The following CTNNA3 variants were observed in gnomAD, a reference collection of about 807,000 sequenced individuals.
CTNNA3 encodes catenin alpha-3.
CTNNA3 carries 76 observed loss-of-function variants against 95.7 expected under a neutral mutation model. The ratio of observed to expected loss-of-function variants is 0.79; its 90% confidence interval spans 0.66 to 0.96. The LOEUF is 0.96. Among genes scored for constraint, CTNNA3 ranks in the 40% least tolerant of loss-of-function variants. The pLI is 0.00. For missense variants in CTNNA3, 1,191 were observed against 1,089.8 expected, an observed-to-expected ratio of 1.09 and a Z score of -1.31; for synonymous variants, 431 against 374.4, an observed-to-expected ratio of 1.15 and a Z score of -1.74.
intron 12 of CTNNA3, among the ~76,000 whole-genome samples, chr10:66,301,201 A>G (rs2091858481): frequency 6.6e-6 from 1 of 152,086 alleles, no homozygotes; most frequent in Admixed American, 6.6e-5. Context: ...CCAAAACAGA[A>G]AGAACCAGGA....
chr10:66,337,036 T>G (rs543711159), intron 12 of CTNNA3, among the ~76,000 whole-genome samples: 4 of 152,126 alleles, frequency 2.6e-5, no homozygotes, highest in Non-Finnish European at 5.9e-5. Flanking sequence ...GCCAAATCAT[T>G]AAATAGATTT....
chr10:67,152,897 C>A (rs1024972366), intron 7 of CTNNA3, among the ~76,000 whole-genome samples: 1 of 152,098 alleles, frequency 6.6e-6, no homozygotes, highest in Non-Finnish European at 1.5e-5. Context: ...TTATTACATG[C>A]CTACCATAGG....
intron 5 of CTNNA3, among the ~76,000 whole-genome samples, chr10:67,220,525 T>G (rs1190932456): frequency 1.3e-5 from 2 of 152,066 alleles, no homozygotes; most frequent in African/African-American, 4.8e-5. Context: ...ATGAACTAGA[T>G]GAACAAATAT....
At position 67,678,968 on chromosome 10, in the gene CTNNA3, A is replaced by G. The variant is rs190540113; in HGVS notation, c.-6+17032T>C. ...TCCCCCAGACAGATTTCATATTAAC[A>G]AGTAATAGAGAGAAAGCAAAATAAC... On this transcript the variant is annotated intron_variant, in intron 1 of 17. Transcript: ENST00000433211. Among the ~76,000 whole-genome samples the G allele has an allele frequency of 9.8e-5, 15 of 152,324 alleles. No individual in the cohort carries two copies. The East Asian group carries it at 2.9e-3, about 29-fold the overall frequency.
chr10:67,297,348 C>A (rs1302582458), intron 5 of CTNNA3, among the ~76,000 whole-genome samples: 1 of 152,188 alleles, frequency 6.6e-6, no homozygotes, highest in Non-Finnish European at 1.5e-5. Context: ...TGCTAGGGAC[C>A]ATCCATGAAT....
chr10:67,523,564 G>A (rs1170709127), intron 4 of CTNNA3, among the ~76,000 whole-genome samples: 2 of 152,250 alleles, frequency 1.3e-5, no homozygotes, highest in East Asian at 1.9e-4. Flanking sequence ...GAGAGATAAA[G>A]GTAACATTGG....
chr10:66,473,891 A>G (rs1839227144), intron 11 of CTNNA3, among the ~76,000 whole-genome samples: 1 of 152,088 alleles, frequency 6.6e-6, no homozygotes, highest in Non-Finnish European at 1.5e-5. Flanking sequence ...TATATGTGCC[A>G]CATTTTCTTA....
chr10:65,935,905 T>A (rs1262988829), intron 17 of CTNNA3, among the ~76,000 whole-genome samples: 1 of 152,290 alleles, frequency 6.6e-6, no homozygotes, highest in African/African-American at 2.4e-5. Context: ...CGTTTATGAA[T>A]GCATATTTTA....
chr10:66,885,042 C>T (rs1467590284), intron 7 of CTNNA3, among the ~76,000 whole-genome samples: 1 of 152,058 alleles, frequency 6.6e-6, no homozygotes, highest in Non-Finnish European at 1.5e-5. Flanking sequence ...AAAGGGCACC[C>T]AAGAACCTGA....
chr10:66,128,798 A>G (rs2082947062), intron 13 of CTNNA3, among the ~76,000 whole-genome samples: 1 of 152,208 alleles, frequency 6.6e-6, no homozygotes, highest in Non-Finnish European at 1.5e-5. Context: ...TTATGTGTCA[A>G]TGTAGGTTCA....
chr10:67,182,994 A>G (rs1862636755), intron 6 of CTNNA3, among the ~76,000 whole-genome samples: 1 of 152,238 alleles, frequency 6.6e-6, no homozygotes, highest in African/African-American at 2.4e-5. Flanking sequence ...ATGAGATGCC[A>G]TCTCACACCA....
At chr10:67,572,880 G>C (rs548489489) in intron 3 of CTNNA3, among the ~76,000 whole-genome samples, 1 of 152,270 alleles carries the variant, frequency 6.6e-6, no homozygotes, top group South Asian at 2.1e-4. Context: ...TTGAGTCCAG[G>C]AGTTCAAGAC....
intron 5 of CTNNA3, among the ~76,000 whole-genome samples, chr10:67,363,554 AATAG>A (rs1451703549): frequency 1.8e-4 from 27 of 152,088 alleles, no homozygotes; most frequent in African/African-American, 6.5e-4. Context: ...AGATCAACAA[AATAG>A]ATAGACTGCT....
At position 66,978,536 on chromosome 10, in the gene CTNNA3, A is replaced by ATAAAATAAAATAAAAAT. The variant is rs1429128054; in HGVS notation, c.1047+201780_1047+201781insATTTTTATTTTATTTTA. Among the ~76,000 whole-genome samples, 759 of 94,270 alleles carry ATAAAATAAAATAAAAAT rather than the reference A, an allele frequency of 8.1e-3. 12 individuals carry two copies. Among genetic ancestry groups the ATAAAATAAAATAAAAAT allele is most frequent in the Non-Finnish European group, 0.013 (611 of 45,796 alleles). The allele number at this position is 94,270 out of a possible 152,430, so 61.8% of individuals were successfully genotyped here. A position where few individuals can be genotyped will look rare whatever the true frequency, so the allele number is the denominator to read the frequency against. On this transcript the variant is annotated intron_variant, in intron 7 of 17. Coordinates refer to ENST00000433211, the MANE Select transcript of CTNNA3 (RefSeq NM_013266.4). ...AGTGAGACTCCATCTCAAAAAAAAAAAAAAAAAAAAAAAAAAATATATATA... is the reference window on the plus strand; with the variant it reads ...AGTGAGACTCCATCTCAAAAAAAAAATAAAATAAAATAAAAATAAAAAAAAAAAAAAAAATATATATA...
intron 7 of CTNNA3, among the ~76,000 whole-genome samples, chr10:67,096,783 T>C (rs746553863): frequency 1.5e-4 from 23 of 151,904 alleles, no homozygotes; most frequent in Non-Finnish European, 1.9e-4. Flanking sequence ...CCCTTCCTCA[T>C]GTATACTACT....
intron 5 of CTNNA3, among the ~76,000 whole-genome samples, chr10:67,233,094 C>G (rs1368210120): frequency 6.6e-6 from 1 of 152,192 alleles, no homozygotes; most frequent in Admixed American, 6.5e-5. Context: ...CAACATTAGA[C>G]AGATCAATGA....
At chr10:67,726,415 A>AATATTATATATTAAATTATAT (rs1841219598) in intron 1 of CTNNA3, among the ~76,000 whole-genome samples, 1 of 58,970 alleles carries the variant, frequency 1.7e-5, no homozygotes, top group Non-Finnish European at 2.5e-5. Flanking sequence ...TATCATATAT[A>AATATTATATATTAAATTATAT]ATATTATATA....
At chr10:67,539,416 A>G (rs1237104419) in intron 4 of CTNNA3, 87 bp downstream of exon 4, 1 of 1,422,346 alleles carries the variant, frequency 7.0e-7, no homozygotes, top group Non-Finnish European at 9.8e-7. Context: ...GAGTGAAGCC[A>G]AGATGCACTA....
chr10:66,603,134 A>C (rs532480604), intron 10 of CTNNA3, among the ~76,000 whole-genome samples: 6 of 152,190 alleles, frequency 3.9e-5, no homozygotes, highest in Admixed American at 6.5e-5. Context: ...TCCAAATTAA[A>C]AAGGAAGAAA....
Sources: allele counts gnomAD v4.1 joint callset (sites outside exome capture counted in the v4.1 genomes callset), GRCh38; gene constraint gnomAD v4.1.1; transcripts MANE v1.5; gene names NCBI Gene and HGNC (gene_info 2026-07-23, HGNC 2026-07-21).